The following RALGDS variants were observed in gnomAD, a reference collection of about 807,000 sequenced individuals.
RALGDS encodes ral guanine nucleotide dissociation stimulator.
In RALGDS, 44 loss-of-function variants were observed where a neutral mutation model predicts 99.8. That is an observed-to-expected ratio of 0.44 (90% CI 0.35 to 0.57). RALGDS has a LOEUF of 0.57. Ranked by LOEUF, RALGDS falls within the 20% of genes least tolerant of loss-of-function variation. The probability of loss-of-function intolerance (pLI) is 0.01; values close to 1 mark genes in which losing one functional copy is unlikely to be tolerated. For synonymous variants in RALGDS, 529 were observed against 505.0 expected (o/e 1.05, Z -0.64); for missense variants, 1,022 against 1,203.1 (o/e 0.85, Z 2.23).
chr9:133,115,215 C>T (rs1001720385), intron 1 of RALGDS, among the ~76,000 whole-genome samples: 15 of 152,228 alleles, frequency 9.9e-5, no homozygotes, highest in African/African-American at 3.6e-4. Context: ...CAGCTCCGGA[C>T]TCAGACGCCT....
chr9:133,125,920 T>C (rs1832138013), upstream of RALGDS, among the ~76,000 whole-genome samples: 1 of 151,956 alleles, frequency 6.6e-6, no homozygotes, highest in African/African-American at 2.4e-5. Flanking sequence ...ACAAAAGGGG[T>C]TGGGGGCTCT....
intron 1 of RALGDS, among the ~76,000 whole-genome samples, chr9:133,128,456 T>C (rs751267994): frequency 2.7e-5 from 4 of 150,706 alleles, no homozygotes; most frequent in African/African-American, 4.9e-5. Context: ...ACAGCTGTGA[T>C]AGGTGGGGCA....
upstream of RALGDS, among the ~76,000 whole-genome samples, chr9:133,132,457 G>T (rs561116964): frequency 1.3e-5 from 2 of 152,092 alleles, no homozygotes; most frequent in African/African-American, 2.4e-5. Flanking sequence ...AGCTTACCAC[G>T]TGGTTTGAGG....
At chr9:133,139,193 G>A (rs963838527) in intron 1 of RALGDS, among the ~76,000 whole-genome samples, 13 of 152,238 alleles carry the variant, frequency 8.5e-5, no homozygotes, top group African/African-American at 1.4e-4. Context: ...GTGCCCCACC[G>A]CATCCCACAG....
chr9:133,134,598 T>C (rs184655926), upstream of RALGDS, among the ~76,000 whole-genome samples: 68 of 152,236 alleles, frequency 4.5e-4, no homozygotes, highest in East Asian at 0.012. Context: ...CTGTTCCAAA[T>C]TAAGGATCAC....
At chr9:133,143,260 C>T (rs530805658) in intron 1 of RALGDS, among the ~76,000 whole-genome samples, 2 of 152,356 alleles carry the variant, frequency 1.3e-5, no homozygotes, top group Admixed American at 1.3e-4. Context: ...TGCCCCATAC[C>T]CCTGAGCCTT....
intron 1 of RALGDS, among the ~76,000 whole-genome samples, chr9:133,127,635 G>A (rs1050289232): frequency 6.6e-6 from 1 of 152,198 alleles, no homozygotes; most frequent in African/African-American, 2.4e-5. Flanking sequence ...ACCACGCGTG[G>A]GAACTCCCGG....
At chr9:133,120,936 G>C (rs1242036737) in intron 1 of RALGDS, 36 bp downstream of exon 1, 1 of 1,466,912 alleles carries the variant, frequency 6.8e-7, no homozygotes, top group Non-Finnish European at 9.0e-7. Flanking sequence ...GGGAGGCTCC[G>C]ACGCACCCCC....
chr9:133,103,050 G>T lies in RALGDS; in HGVS notation c.1792-150C>A, dbSNP rs577131527. ...AAAGTTGGGCTCAGCCACTCCCCAGGAGGTGGTCCTGGATTATAACCTCCT... is the reference window on the plus strand; with the variant it reads ...AAAGTTGGGCTCAGCCACTCCCCAGTAGGTGGTCCTGGATTATAACCTCCT... On this transcript the variant is annotated intron_variant, in intron 12 of 17. Transcript: ENST00000372050. 1.8e-4 allele frequency: 253 copies of T among 1,413,546 alleles called. No homozygotes were observed. The African/African-American group carries it at 3.3e-3, about 18-fold the overall frequency. The allele number at this position is 1,413,546 out of a possible 1,614,324, so 87.6% of individuals were successfully genotyped here.
At chr9:133,121,247 C>T, upstream of RALGDS, 3 of 987,692 alleles carry the variant, frequency 3.0e-6, no homozygotes, top group Non-Finnish European at 3.6e-6. Flanking sequence ...CGCTGTGAGC[C>T]CGCGGCCCGG....
chr9:133,119,769 T>C (rs1397095421), intron 1 of RALGDS, among the ~76,000 whole-genome samples: 1 of 151,466 alleles, frequency 6.6e-6, no homozygotes, highest in Non-Finnish European at 1.5e-5. Flanking sequence ...TCCGGCCATC[T>C]GCCAAGCTCA....
Position 133,148,982 on chromosome 9 carries a change from C to G in RALGDS, c.-2G>C, listed in dbSNP as rs1343335938. 4.4e-6 allele frequency: 7 copies of G among 1,593,328 alleles called. No homozygotes were observed. In the Admixed American group the frequency reaches 1.2e-4, roughly 27 times the overall value. On this transcript the variant is annotated 5_prime_UTR_variant, in exon 1 of 18. Coordinates refer to the RALGDS transcript ENST00000393160. The stretch of plus-strand genomic sequence containing the variant: ...ACTCACCTGGCAATCTACCATCATC[C>G]TCAGCCTCGGTGGCACATCGCCGGC...
chr9:133,104,360 G>C (rs1386880442), intron 9 of RALGDS, 29 bp from the exon 10 acceptor site: 1 of 1,589,702 alleles, frequency 6.3e-7, no homozygotes, highest in Non-Finnish European at 8.6e-7. Context: ...GGGTCAGCAA[G>C]GCCCTATCCC....
At chr9:133,113,403 T>G (rs1462180955) in intron 1 of RALGDS, among the ~76,000 whole-genome samples, 1 of 152,144 alleles carries the variant, frequency 6.6e-6, no homozygotes, top group Non-Finnish European at 1.5e-5. Context: ...GAAGTCCACT[T>G]CCTCCGACCT....
At chr9:133,120,428 A>ACCCCCCCCCCCCCCCCCCCCC (rs71378548) in intron 1 of RALGDS, among the ~76,000 whole-genome samples, 3 of 59,994 alleles carry the variant, frequency 5.0e-5, no homozygotes, top group African/African-American at 6.4e-5. Context: ...CCATCCCCCG[A>ACCCCCCCCCCCCCCCCCCCCC]CCCCCCCCCC....
intron 17 of RALGDS, chr9:133,100,042 T>G (rs555429152): frequency 1.2e-5 from 7 of 606,592 alleles, no homozygotes; most frequent in African/African-American, 7.4e-5. Context: ...CTCACTGATG[T>G]GAGCTTTGAA....
chr9:133,110,983 G>A lies in RALGDS; in HGVS notation c.295-494C>T, dbSNP rs377560611. 7.9e-4 allele frequency among the ~76,000 whole-genome samples: 121 copies of A among 152,278 alleles called. 4 individuals carry two copies. The South Asian group carries it at 0.024, about 30-fold the overall frequency. The stretch of plus-strand genomic sequence containing the variant: ...CCTGGGGAACTGAGGTGAGAAGATC[G>A]CTTGAGCCCAGGAGGTCAAGGCTGC... On this transcript the variant is annotated intron_variant, in intron 2 of 17. Coordinates refer to ENST00000372050, the MANE Select transcript of RALGDS (RefSeq NM_006266.4).
At position 133,101,774 on chromosome 9, in the gene RALGDS, G is replaced by A. The variant is rs760008643; in HGVS notation, c.2212-12C>T. 24 of 1,593,034 alleles carry A rather than the reference G, an allele frequency of 1.5e-5. No homozygotes were observed. Among genetic ancestry groups the A allele is most frequent in the South Asian group, 5.6e-5 (5 of 88,888 alleles). ...GCTGATTCCCAGAACTGAGGGAGACGGTAAGATCAGCAGATCCCACTGCCC... is the reference window on the plus strand; with the variant it reads ...GCTGATTCCCAGAACTGAGGGAGACAGTAAGATCAGCAGATCCCACTGCCC... On this transcript the variant is annotated splice_polypyrimidine_tract_variant and intron_variant, in intron 15 of 17. Coordinates refer to ENST00000372050, the MANE Select transcript of RALGDS (RefSeq NM_006266.4).
chr9:133,109,153 G>A (rs1012050549), intron 4 of RALGDS, among the ~76,000 whole-genome samples: 4 of 152,196 alleles, frequency 2.6e-5, no homozygotes, highest in Admixed American at 6.5e-5. Flanking sequence ...GGTCCCTGGC[G>A]GCTCCTCAAC....
Sources: gnomAD v4.1 joint callset for allele counts (sites outside exome capture counted in the v4.1 genomes callset) on GRCh38, gnomAD v4.1.1 for gene constraint, MANE v1.5 for transcripts, NCBI Gene and HGNC (gene_info 2026-07-23, HGNC 2026-07-21) for gene names.